Variants in RGPD4 observed in about 807,000 individuals in gnomAD.
RGPD4 encodes ranBP2-like and GRIP domain-containing protein 4.
In RGPD4, 84 loss-of-function variants were observed where a neutral mutation model predicts 141.1. The observed-to-expected ratio is 0.60, with a 90% CI of 0.50 to 0.71. RGPD4 has a LOEUF of 0.71. Ranked by LOEUF, RGPD4 falls within the 30% of genes least tolerant of loss-of-function variation. The pLI is 0.00. For missense variants in RGPD4, 918 were observed against 1,622.4 expected, an observed-to-expected ratio of 0.57 and a Z score of 7.46; for synonymous variants, 298 against 566.8, an observed-to-expected ratio of 0.53 and a Z score of 6.74.
intron 1 of RGPD4, among the ~76,000 whole-genome samples, chr2:107,827,726 C>T (rs1351449678): frequency 1.8e-5 from 1 of 56,296 alleles, no homozygotes; most frequent in Non-Finnish European, 3.6e-5. Flanking sequence ...CGGCGGCGGC[C>T]TCGATGGCTC....
At chr2:107,883,250 C>T (rs1273973997) in intron 22 of RGPD4, 3 of 436,470 alleles carry the variant, frequency 6.9e-6, no homozygotes, top group African/African-American at 4.1e-5. Context: ...CTTCCTCCAA[C>T]CCCAAATAGC....
rs1682513797 is a variant in RGPD4 at position 107,860,814 on chromosome 2, A to AC, written c.1807_1808insC (p.Ser603ThrfsTer23). On this transcript the variant is annotated frameshift_variant, in exon 13 of 23. Coordinates refer to ENST00000408999, the MANE Select transcript of RGPD4 (RefSeq NM_182588.3). LOFTEE classifies it high-confidence loss of function. ...TGATCAACGAGAATACATAGGGAGA[A>AC]GTGTTCATTATTGGAAGAAAGTTTT... 6.2e-7 allele frequency: 1 copy of AC among 1,609,506 alleles called. No homozygotes were observed. The highest frequency in any genetic ancestry group is 8.5e-7 in the Non-Finnish European group (1 of 1,179,426).
chr2:107,869,232 A>T, intron 18 of RGPD4, among the ~76,000 whole-genome samples: 1 of 71,776 alleles, frequency 1.4e-5, no homozygotes, highest in Non-Finnish European at 3.1e-5. Flanking sequence ...GTTGAAGCAA[A>T]TGACTATTGG....
intron 22 of RGPD4, among the ~76,000 whole-genome samples, chr2:107,884,807 T>A (rs1675465066): frequency 6.6e-6 from 1 of 151,980 alleles, no homozygotes; most frequent in Non-Finnish European, 1.5e-5. Flanking sequence ...AAAATTCCAA[T>A]TGCTGGTCCC....
chr2:107,875,019 C>A (rs1313250893), intron 20 of RGPD4, among the ~76,000 whole-genome samples: 3 of 99,514 alleles, frequency 3.0e-5, no homozygotes, highest in African/African-American at 8.6e-5. Flanking sequence ...TTAAAATTGT[C>A]ATTTGGTGCA....
At position 107,863,117 on chromosome 2, in the gene RGPD4, C is replaced by G. The variant is rs1341939758; in HGVS notation, c.2469+85C>G. 9 of 831,576 alleles carry G rather than the reference C, an allele frequency of 1.1e-5. No homozygotes were observed. The East Asian group carries it at 1.6e-4, about 15-fold the overall frequency. 51.5% of individuals were successfully genotyped at this position (831,576 alleles called of 1,614,324 possible). On this transcript the variant is annotated intron_variant, in intron 17 of 22. Transcript: ENST00000408999. ...CTCTCACTTTTTTTCTGAAGCTGGT[C>G]AGAATGTCCCCTTGCCATCCAAATA...
Position 107,828,741 on chromosome 2 carries a change from C to G in RGPD4, c.72+1656C>G, listed in dbSNP as rs1234506080. 9.5e-4 allele frequency among the ~76,000 whole-genome samples: 24 copies of G among 25,320 alleles called. 7 individuals carry two copies. The highest frequency in any genetic ancestry group is 4.3e-3 in the African/African-American group (22 of 5,076). 16.6% of individuals were successfully genotyped at this position (25,320 alleles called of 152,430 possible). A position where few individuals can be genotyped will look rare whatever the true frequency, so the allele number is the denominator to read the frequency against. On this transcript the variant is annotated intron_variant, in intron 1 of 22. Transcript: ENST00000408999. ...GGGCGGCGGCGGCCTCGACCTGGCC[C>G]GGCGGCTGCCTCGATGGCTCAGGCA... is the stretch of plus-strand genomic sequence containing the variant.
intron 1 of RGPD4, among the ~76,000 whole-genome samples, chr2:107,835,536 G>A (rs1202457517): frequency 6.6e-6 from 1 of 151,248 alleles, no homozygotes; most frequent in Non-Finnish European, 1.5e-5. Context: ...TACTATTGAG[G>A]CACAGGGAAT....
At chr2:107,870,671 G>A (rs756488896) in intron 19 of RGPD4, 34 bp from the exon 20 acceptor site, 5 of 1,529,190 alleles carry the variant, frequency 3.3e-6, no homozygotes, top group Admixed American at 3.6e-5. Flanking sequence ...TTGGGCATGT[G>A]GATCAAGAAA....
intron 20 of RGPD4, among the ~76,000 whole-genome samples, chr2:107,878,472 C>T (rs555912950): frequency 1.5e-4 from 22 of 151,580 alleles, no homozygotes; most frequent in East Asian, 7.7e-4. Context: ...TTAATTCTCC[C>T]GAAACTAAAC....
At chr2:107,831,506 CAT>C (rs1296765242) in intron 1 of RGPD4, among the ~76,000 whole-genome samples, 1 of 147,840 alleles carries the variant, frequency 6.8e-6, no homozygotes, top group African/African-American at 2.5e-5. Context: ...GAGTAACACA[CAT>C]ATATACTTTT....
At chr2:107,881,956 G>A (rs1675379197) in intron 21 of RGPD4, among the ~76,000 whole-genome samples, 1 of 151,866 alleles carries the variant, frequency 6.6e-6, no homozygotes, top group South Asian at 2.1e-4. Context: ...CAGCGTAGGG[G>A]CAGGGGGTTA....
intron 1 of RGPD4, among the ~76,000 whole-genome samples, chr2:107,829,564 GATGGCTCAGGCGTC>G: frequency 6.8e-6 from 1 of 148,002 alleles, no homozygotes; most frequent in African/African-American, 2.6e-5. Flanking sequence ...CGGCGGCCTC[GATGGCTCAGGCGTC>G]ATGGCTCCCG....
intron 20 of RGPD4, among the ~76,000 whole-genome samples, chr2:107,873,647 C>A (rs1453628290): frequency 1.3e-5 from 2 of 150,564 alleles, no homozygotes; most frequent in Non-Finnish European, 2.9e-5. Context: ...GTCAGTCTTG[C>A]TCATGTATTA....
chr2:107,828,091 C>G (rs1181669771), intron 1 of RGPD4, among the ~76,000 whole-genome samples: 3 of 26,946 alleles, frequency 1.1e-4, no homozygotes, highest in African/African-American at 6.0e-4. Flanking sequence ...GCAGCGGCCT[C>G]GACCTGGCCG....
intron 20 of RGPD4, among the ~76,000 whole-genome samples, chr2:107,877,652 T>C (rs1423228176): frequency 1.3e-5 from 2 of 151,438 alleles, no homozygotes; most frequent in Non-Finnish European, 2.9e-5. Flanking sequence ...TTTTGGCCAG[T>C]ATTTAGCAGT....
intron 21 of RGPD4, among the ~76,000 whole-genome samples, chr2:107,881,183 A>G (rs1675352395): frequency 1.3e-5 from 2 of 150,002 alleles, no homozygotes; most frequent in Non-Finnish European, 1.5e-5. Context: ...AGTAAATTGT[A>G]TATATCATGA....
intron 10 of RGPD4, 39 bp downstream of exon 10, chr2:107,859,334 T>G (rs1682452111): frequency 6.3e-7 from 1 of 1,593,342 alleles, no homozygotes; most frequent in Non-Finnish European, 8.5e-7. Context: ...TTCTGAATTT[T>G]GTTTAATTTT....
intron 21 of RGPD4, 144 bp downstream of exon 21, chr2:107,880,251 A>T (rs1271205085): frequency 2.4e-5 from 17 of 707,716 alleles, no homozygotes; most frequent in Non-Finnish European, 3.5e-5. Flanking sequence ...GATGGTGAGA[A>T]ATATTGCCTT....
Sources: allele counts gnomAD v4.1 joint callset (sites outside exome capture counted in the v4.1 genomes callset), GRCh38; gene constraint gnomAD v4.1.1; transcripts MANE v1.5; gene names NCBI Gene and HGNC (gene_info 2026-07-23, HGNC 2026-07-21).